OTULIN: variants seen among roughly 807,000 people sequenced by gnomAD.
OTULIN encodes the protein OTU deubiquitinase with linear linkage specificity, also known as ubiquitin thioesterase otulin.
In OTULIN, 15 loss-of-function variants were observed where a neutral mutation model predicts 39.6. That is an observed-to-expected ratio of 0.38 (90% CI 0.25 to 0.58). The LOEUF is 0.58. Among genes scored for constraint, OTULIN ranks in the 20% least tolerant of loss-of-function variants. The pLI, the probability that OTULIN is intolerant of heterozygous loss-of-function variation, is 0.66. For missense variants in OTULIN, 319 were observed against 445.9 expected (o/e 0.72, Z 2.56); for synonymous variants, 156 against 170.3 (o/e 0.92, Z 0.65).
rs550732694 is a variant in OTULIN, at chr5:14,696,756, A to ATACATGTATAAAATAAT, written c.*3708_*3709insTACATGTATAAAATAAT. ...TTTCTAAAATTTAAGTCCCTTATTT[A>ATACATGTATAAAATAAT]ACAGAAGTATGTATTTTAATGCTTA... On this transcript the variant is annotated 3_prime_UTR_variant, in exon 7 of 7. Coordinates refer to ENST00000284274, the MANE Select transcript of OTULIN (RefSeq NM_138348.6). 303 of 152,364 alleles carry ATACATGTATAAAATAAT rather than the reference A, an allele frequency of 2.0e-3. 2 individuals are homozygous for ATACATGTATAAAATAAT. The highest frequency in any genetic ancestry group is 6.9e-3 in the African/African-American group (289 of 41,584). The allele number at this position is 152,364 out of a possible 1,614,324, so 9.4% of individuals were successfully genotyped here.
Position 14,696,098 on chromosome 5 carries a change from G to C in OTULIN, c.*3050G>C, listed in dbSNP as rs778807684. 2.0e-5 allele frequency: 3 copies of C among 150,738 alleles called. No homozygotes were observed. Among genetic ancestry groups the C allele is most frequent in the Non-Finnish European group, 4.4e-5 (3 of 67,826 alleles). The allele number at this position is 150,738 out of a possible 1,614,324, so 9.3% of individuals were successfully genotyped here. A position where few individuals can be genotyped will look rare whatever the true frequency, so the allele number is the denominator to read the frequency against. On this transcript the variant is annotated 3_prime_UTR_variant, in exon 7 of 7. Transcript: ENST00000284274. ...GGGAAAAGCCTTTGTGAGTTTTTAT[G>C]TACTTGGTCTTTGTTTTTGTTATTC...
chr5:14,668,159 A>C (rs527619517), intron 1 of OTULIN, among the ~76,000 whole-genome samples: 2 of 152,172 alleles, frequency 1.3e-5, no homozygotes, highest in Non-Finnish European at 2.9e-5. Context: ...GTGAACAAAA[A>C]AAGTGGCACA....
At chr5:14,692,021 T>C (rs2126338719) in intron 6 of OTULIN, among the ~76,000 whole-genome samples, 1 of 152,344 alleles carries the variant, frequency 6.6e-6, no homozygotes, top group African/African-American at 2.4e-5. Flanking sequence ...TTGTTTCCAC[T>C]TTTTAGTTCT....
intron 5 of OTULIN, among the ~76,000 whole-genome samples, chr5:14,689,630 T>TTGGCTTTGTGTTTCTGGG (rs1736472188): frequency 6.6e-6 from 1 of 152,168 alleles, no homozygotes; most frequent in Non-Finnish European, 1.5e-5. Flanking sequence ...TTTAGGAGGG[T>TTGGCTTTGTGTTTCTGGG]TGGCTTTGTG....
chr5:14,674,435 T>A (rs970005486), intron 2 of OTULIN, among the ~76,000 whole-genome samples: 2 of 152,230 alleles, frequency 1.3e-5, no homozygotes, highest in African/African-American at 4.8e-5. Context: ...ATAAGGAGAC[T>A]TCAAAACGGT....
chr5:14,702,654 C>T (rs1181252889), downstream of OTULIN, among the ~76,000 whole-genome samples: 1 of 152,106 alleles, frequency 6.6e-6, no homozygotes, highest in Non-Finnish European at 1.5e-5. Flanking sequence ...AGCAGCTGCC[C>T]TGATGGTGCC....
chr5:14,682,860 C>T (rs748172496), intron 4 of OTULIN, among the ~76,000 whole-genome samples: 5 of 152,230 alleles, frequency 3.3e-5, no homozygotes, highest in Non-Finnish European at 7.3e-5. Flanking sequence ...AGCTCGGTGC[C>T]TGATAAAGTA....
the OTULIN span, chr5:14,712,977 C>A: frequency 3.1e-6 from 5 of 1,610,734 alleles, no homozygotes; most frequent in Non-Finnish European, 4.2e-6. Context: ...GTGCACCCTG[C>A]AGATGAGAAC....
chr5:14,685,756 C>T lies in OTULIN; in HGVS notation c.469-1765C>T, dbSNP rs1431578458. Reference sequence around the variant, plus strand: ...TGTATCATGTCCCCAGATGCTCAGCCGGTCTTCTGGGCTTCCCTTCACCTC... The same window carrying T: ...TGTATCATGTCCCCAGATGCTCAGCTGGTCTTCTGGGCTTCCCTTCACCTC... On this transcript the variant is annotated intron_variant, in intron 4 of 6. Coordinates refer to ENST00000284274, the MANE Select transcript of OTULIN (RefSeq NM_138348.6). Among the ~76,000 whole-genome samples the T allele has an allele frequency of 2.0e-5, 3 of 151,242 alleles. No individual in the cohort carries two copies. In the Admixed American group the frequency reaches 2.0e-4, roughly 10 times the overall value.
downstream of OTULIN, among the ~76,000 whole-genome samples, chr5:14,700,595 T>C (rs1486598392): frequency 8.6e-6 from 1 of 116,682 alleles, no homozygotes; most frequent in Non-Finnish European, 1.7e-5. Context: ...CCCTCTGTGC[T>C]CACCCTCCGC....
intron 1 of OTULIN, among the ~76,000 whole-genome samples, chr5:14,669,611 C>T (rs1277231088): frequency 6.6e-6 from 1 of 151,914 alleles, no homozygotes; most frequent in African/African-American, 2.4e-5. Flanking sequence ...GACTCTATAA[C>T]AAATTTTAAA....
chr5:14,672,800 C>A (rs1362625564), intron 1 of OTULIN, among the ~76,000 whole-genome samples: 1 of 152,218 alleles, frequency 6.6e-6, no homozygotes, highest in African/African-American at 2.4e-5. Context: ...ACCACTCCAT[C>A]TGCTTTCCAG....
At position 14,681,446 on chromosome 5, in the gene OTULIN, T is replaced by C. The variant is rs58610082; in HGVS notation, c.325-18T>C. 5,480 of 1,595,670 alleles carry C rather than the reference T, an allele frequency of 3.4e-3. 161 individuals are homozygous for C. In the African/African-American group the frequency reaches 0.066, roughly 19 times the overall value. ...AGTCAGTAACGACCATTTTGAATTC[T>C]TTCATACCTTTTCCCAGGGCTATGA... On this transcript the variant is annotated intron_variant, in intron 3 of 6. Transcript: ENST00000284274.
the OTULIN span, chr5:14,710,152 A>G: frequency 6.6e-6 from 1 of 152,228 alleles, no homozygotes; most frequent in Admixed American, 6.5e-5. Flanking sequence ...GTACATTCTC[A>G]ATTACCTGTA....
At chr5:14,703,321 T>G (rs1736844486), downstream of OTULIN, among the ~76,000 whole-genome samples, 1 of 88,570 alleles carries the variant, frequency 1.1e-5, no homozygotes. Flanking sequence ...CCTTTAATAG[T>G]GTCAAAAAAA....
rs767897548 is a variant in OTULIN, at chr5:14,685,613, C to T, written c.469-1908C>T. 9.2e-4 allele frequency among the ~76,000 whole-genome samples: 140 copies of T among 152,110 alleles called. 1 individual carries two copies. Among genetic ancestry groups the T allele is most frequent in the Non-Finnish European group, 1.6e-3 (107 of 68,018 alleles). On this transcript the variant is annotated intron_variant, in intron 4 of 6. Transcript: ENST00000284274. ...CTGCATTTCCTGGAAGTCTACAACC[C>T]TGAACTGTTTGACCAGTGTGTGAAG...
At chr5:14,700,877 G>A (rs1736782804), downstream of OTULIN, among the ~76,000 whole-genome samples, 1 of 152,154 alleles carries the variant, frequency 6.6e-6, no homozygotes, top group African/African-American at 2.4e-5. Flanking sequence ...GCACTCTGGG[G>A]TAATAGACTT....
At chr5:14,706,581 G>C in the OTULIN span, 8 of 152,278 alleles carry the variant, frequency 5.3e-5, no homozygotes, top group East Asian at 1.5e-3. Flanking sequence ...TTTCTGAGTG[G>C]AGTTTGGGTT....
chr5:14,704,555 A>G (rs1324463699), downstream of OTULIN, among the ~76,000 whole-genome samples: 1 of 152,164 alleles, frequency 6.6e-6, no homozygotes, highest in East Asian at 1.9e-4. Flanking sequence ...TTTGGGAAGT[A>G]AAAGTAATTT....
Sources: allele counts gnomAD v4.1 joint callset (sites outside exome capture counted in the v4.1 genomes callset), GRCh38; gene constraint gnomAD v4.1.1; transcripts MANE v1.5; gene names NCBI Gene and HGNC (gene_info 2026-07-23, HGNC 2026-07-21).